SLC25A25: variants seen among roughly 807,000 people sequenced by gnomAD.
SLC25A25 encodes mitochondrial adenyl nucleotide antiporter SLC25A25.
A neutral mutation model predicts 57.7 loss-of-function variants in SLC25A25; 32 were observed. The ratio of observed to expected loss-of-function variants is 0.55; its 90% CI spans 0.42 to 0.74. The LOEUF is 0.74. SLC25A25 is among the 30% of genes least tolerant of loss of function. SLC25A25 has a pLI of 0.00. For missense variants in SLC25A25, 556 were observed against 701.3 expected, an observed-to-expected ratio of 0.79 and a Z score of 2.34; for synonymous variants, 306 against 291.2, an observed-to-expected ratio of 1.05 and a Z score of -0.52.
intron 9 of SLC25A25, 99 bp from the exon 10 acceptor site, chr9:128,106,930 A>C: frequency 7.0e-7 from 1 of 1,436,236 alleles, no homozygotes; most frequent in Non-Finnish European, 9.5e-7. Context: ...CAGGCGCGGC[A>C]GTCGGGTTCC....
chr9:128,106,596 G>C (rs902374891), intron 9 of SLC25A25, 76 bp downstream of exon 9: 1 of 1,488,918 alleles, frequency 6.7e-7, no homozygotes, highest in Non-Finnish European at 8.9e-7. Context: ...CTTGACGGAC[G>C]CGTGGTTAGT....
chr9:128,077,516 T>TTAAAAAAAA (rs1833044179), intron 1 of SLC25A25, among the ~76,000 whole-genome samples: 1 of 100,364 alleles, frequency 1.0e-5, no homozygotes, highest in African/African-American at 5.0e-5. Context: ...GACTCCGTCT[T>TTAAAAAAAA]AAAAAAAAAA....
At chr9:128,071,144 C>T (rs1022680161) in intron 1 of SLC25A25, among the ~76,000 whole-genome samples, 1 of 152,084 alleles carries the variant, frequency 6.6e-6, no homozygotes, top group African/African-American at 2.4e-5. Flanking sequence ...ACAATGTTCT[C>T]GAGATTCAAG....
Position 128,107,142 on chromosome 9 carries a change from C to A in SLC25A25, c.1326C>A (p.Tyr442Ter). ...GTACCTGTGGCCAGCTGGCCAGCTA[C>A]CCCCTGGCCCTAGTCAGGACCCGGA... ...MSSTCGQLAS[Y>*]PLALVRTRMQ... Residue 442 changes from tyrosine (Y) to a stop codon, truncating the protein, a stop_gained, in exon 10 of 11, where the codon TAC becomes TAA. Transcript: ENST00000373069. LOFTEE classifies it high-confidence loss of function. The A allele has an allele frequency of 6.2e-7, 1 of 1,613,966 alleles. No homozygotes were observed. Among genetic ancestry groups the A allele is most frequent in the Non-Finnish European group, 8.5e-7 (1 of 1,180,036 alleles).
At chr9:128,078,575 A>G (rs553201017) in intron 1 of SLC25A25, among the ~76,000 whole-genome samples, 2 of 152,292 alleles carry the variant, frequency 1.3e-5, no homozygotes, top group South Asian at 4.1e-4. Context: ...TGGGGCCCGC[A>G]TGCTTTCCCT....
At chr9:128,072,814 A>G (rs1832936072) in intron 1 of SLC25A25, among the ~76,000 whole-genome samples, 1 of 152,256 alleles carries the variant, frequency 6.6e-6, no homozygotes, top group Non-Finnish European at 1.5e-5. Flanking sequence ...AGGCATTTTC[A>G]TGTGACCAAA....
intron 1 of SLC25A25, among the ~76,000 whole-genome samples, chr9:128,070,211 C>T (rs1207979277): frequency 6.6e-6 from 1 of 151,536 alleles, no homozygotes; most frequent in Non-Finnish European, 1.5e-5. Context: ...CTGCCTCAGC[C>T]TCCCTAGTAG....
Position 128,107,488 on chromosome 9 carries a change from G to A in SLC25A25, c.*44G>A, listed in dbSNP as rs199878817. The A allele has an allele frequency of 6.6e-5, 99 of 1,496,630 alleles. No individual in the cohort carries two copies. The Admixed American group carries it at 1.8e-3, about 27-fold the overall frequency. The allele number at this position is 1,496,630 out of a possible 1,614,324, so 92.7% of individuals were successfully genotyped here. On this transcript the variant is annotated 3_prime_UTR_variant, in exon 11 of 11. Transcript: ENST00000373069. ...GCAGTGGACTCGCTGATCCTGGGCC[G>A]CAGCCTGGGGTGTGCAGCCATCTCA...
chr9:128,089,537 G>T (rs184432649), intron 1 of SLC25A25, among the ~76,000 whole-genome samples: 3 of 151,900 alleles, frequency 2.0e-5, no homozygotes, highest in Admixed American at 2.0e-4. Context: ...GACAAGTTCT[G>T]TTTATCTAGT....
rs143420260 is a variant in SLC25A25 at position 128,101,956 on chromosome 9, C to T, written c.477-124C>T. ...GCAGCCCTGGGCTCAGCTGCTGTGGCGGGCTCGTCTCGTGCCGTGCTGTGC... is the reference window on the plus strand; with the variant it reads ...GCAGCCCTGGGCTCAGCTGCTGTGGTGGGCTCGTCTCGTGCCGTGCTGTGC... On this transcript the variant is annotated intron_variant, in intron 3 of 10. Transcript: ENST00000373069. The surrounding 1 kb of genome is among the most constrained non-coding windows in gnomAD (Gnocchi z 4.9). The T allele has an allele frequency of 0.014, 15,713 of 1,086,524 alleles. 148 individuals are homozygous for T. The highest frequency in any genetic ancestry group is 0.017 in the Non-Finnish European group (12,909 of 746,322). The allele number at this position is 1,086,524 out of a possible 1,614,324, so 67.3% of individuals were successfully genotyped here. A position where few individuals can be genotyped will look rare whatever the true frequency, so the allele number is the denominator to read the frequency against.
In SLC25A25 at chr9:128,103,025, T is replaced by C. The variant is rs1833872703; in HGVS notation, c.624+544T>C. 6.6e-6 allele frequency among the ~76,000 whole-genome samples: 1 copy of C among 152,206 alleles called. No individual in the cohort carries two copies. Reference sequence around the variant, plus strand: ...CTCTCTGAGTCCTGGTGTGCAGTCCTGTCCCTCTGGACCATCCGCTCCAGG... The same window carrying C: ...CTCTCTGAGTCCTGGTGTGCAGTCCCGTCCCTCTGGACCATCCGCTCCAGG... On this transcript the variant is annotated intron_variant, in intron 5 of 10. Transcript: ENST00000373069. The surrounding 1 kb of genome is among the most constrained non-coding windows in gnomAD (Gnocchi z 6.7).
At chr9:128,100,525 C>T (rs1344018647) in intron 1 of SLC25A25, among the ~76,000 whole-genome samples, 5 of 152,208 alleles carry the variant, frequency 3.3e-5, no homozygotes, top group East Asian at 1.9e-4. Context: ...TACACTTCCC[C>T]GGCCTCGGGT....
In SLC25A25 at chr9:128,095,002, A is replaced by G. The variant is rs143422059; in HGVS notation, c.262-6094A>G. Among the ~76,000 whole-genome samples the G allele has an allele frequency of 1.5e-4, 23 of 152,342 alleles. No individual in the cohort carries two copies. The highest frequency in any genetic ancestry group is 4.6e-4 in the Admixed American group (7 of 15,304). ...AAAGAGCAGCGAGGCATCGCACACA[A>G]TGCGCGTTGTGCCCAGATCTTGGAG... On this transcript the variant is annotated intron_variant, in intron 1 of 10. Transcript: ENST00000373069. The surrounding 1 kb of genome is among the most constrained non-coding windows in gnomAD (Gnocchi z 4.4).
intron 1 of SLC25A25, among the ~76,000 whole-genome samples, chr9:128,073,172 A>G (rs1420769298): frequency 6.6e-6 from 1 of 152,276 alleles, no homozygotes; most frequent in African/African-American, 2.4e-5. Flanking sequence ...GGACCAGAGA[A>G]GGAATTGGAA....
chr9:128,105,360 G>A lies in SLC25A25; in HGVS notation c.784-369G>A, dbSNP rs938976634. ...TAACTTTTGTATTTTTAGTAGAGAC[G>A]GGGTTTCACCATGTTGGCTGGGCTG... On this transcript the variant is annotated intron_variant, in intron 6 of 10. Coordinates refer to ENST00000373069, the MANE Select transcript of SLC25A25 (RefSeq NM_001330988.2). Among the ~76,000 whole-genome samples, 19 of 151,640 alleles carry A rather than the reference G, an allele frequency of 1.3e-4. No homozygotes were observed. In the Middle Eastern group the frequency reaches 0.014, roughly 109 times the overall value.
At chr9:128,106,279 GGGGC>G (rs1834030219) in intron 8 of SLC25A25, 22 bp downstream of exon 8, 1 of 1,613,568 alleles carries the variant, frequency 6.2e-7, no homozygotes, top group Non-Finnish European at 8.5e-7. Context: ...CCTGGGTCCT[GGGGC>G]GGGCAGTGGG....
At chr9:128,088,397 G>A (rs995445231) in intron 1 of SLC25A25, among the ~76,000 whole-genome samples, 8 of 152,140 alleles carry the variant, frequency 5.3e-5, no homozygotes, top group Non-Finnish European at 7.4e-5. Flanking sequence ...GGGACCCTTG[G>A]GGGAGCTCAC....
intron 1 of SLC25A25, among the ~76,000 whole-genome samples, chr9:128,070,843 G>A (rs1832890299): frequency 6.6e-6 from 1 of 151,588 alleles, no homozygotes; most frequent in Admixed American, 6.6e-5. Context: ...TCCAGTACTC[G>A]GGAGGCTGAG....
chr9:128,104,843 T>C (rs1351711091), intron 6 of SLC25A25, among the ~76,000 whole-genome samples: 1 of 105,174 alleles, frequency 9.5e-6, no homozygotes, highest in African/African-American at 3.2e-5. Context: ...TTATTATTAT[T>C]ATTATTATTA....
Sources: gnomAD v4.1 joint callset for allele counts (sites outside exome capture counted in the v4.1 genomes callset) on GRCh38, gnomAD v4.1.1 for gene constraint, Gnocchi (gnomAD v3.1) non-coding constraint, MANE v1.5 for transcripts, NCBI Gene and HGNC (gene_info 2026-07-23, HGNC 2026-07-21) for gene names.